Variants in FHOD3 observed in about 807,000 individuals in gnomAD.
FHOD3 encodes FH1/FH2 domain-containing protein 3.
A neutral mutation model predicts 173.0 loss-of-function variants in FHOD3; 90 were observed. The ratio of observed to expected loss-of-function variants is 0.52; its 90% CI spans 0.44 to 0.62. FHOD3 has a LOEUF of 0.62. Ranked by LOEUF, FHOD3 falls within the 20% of genes least tolerant of loss-of-function variation. FHOD3 has a pLI of 0.00. For missense variants in FHOD3, 1,945 were observed against 2,034.7 expected, an observed-to-expected ratio of 0.96 and a Z score of 0.85; for synonymous variants, 828 against 823.0, an observed-to-expected ratio of 1.01 and a Z score of -0.10.
At chr18:36,506,132 A>T (rs1358874979) in intron 4 of FHOD3, among the ~76,000 whole-genome samples, 1 of 152,246 alleles carries the variant, frequency 6.6e-6, no homozygotes, top group African/African-American at 2.4e-5. Flanking sequence ...CTCATAAAAA[A>T]TAATGATTAT....
chr18:36,515,971 C>G (rs568275511), intron 5 of FHOD3, among the ~76,000 whole-genome samples: 1 of 152,334 alleles, frequency 6.6e-6, no homozygotes, highest in East Asian at 1.9e-4. Context: ...AACCAAAGCT[C>G]ATACCAGGAA....
At position 36,515,361 on chromosome 18, in the gene FHOD3, G is replaced by A. The variant is rs371532370; in HGVS notation, c.511+2818G>A. Among the ~76,000 whole-genome samples, 42 of 152,220 alleles carry A rather than the reference G, an allele frequency of 2.8e-4. No homozygotes were observed. In the East Asian group the frequency reaches 6.6e-3, roughly 24 times the overall value. ...GCCTCCCAAGTAGCTGGGACTACAG[G>A]CGCCTGCCACCACACCTGCCTAATT... On this transcript the variant is annotated intron_variant, in intron 5 of 28. Transcript: ENST00000590592.
chr18:36,712,487 C>T (rs1385398689), intron 18 of FHOD3, among the ~76,000 whole-genome samples: 1 of 151,796 alleles, frequency 6.6e-6, no homozygotes, highest in Non-Finnish European at 1.5e-5. Context: ...AAAATACTTA[C>T]TGGATGGGCT....
intron 3 of FHOD3, among the ~76,000 whole-genome samples, chr18:36,458,423 A>G (rs79656619): frequency 0.033 from 5,073 of 152,160 alleles, 263 homozygotes; most frequent in African/African-American, 0.12. Context: ...CGTACTTCCA[A>G]CCACTCACCT....
rs188947263 is a variant in FHOD3 at position 36,602,247 on chromosome 18, T to C, written c.719-427T>C. On this transcript the variant is annotated intron_variant, in intron 7 of 28. Coordinates refer to ENST00000590592, the MANE Select transcript of FHOD3 (RefSeq NM_001281740.3). ...CTAGACAGGCATGTCACTTATTTCT[T>C]TGAGTCACTGCTAGAGGGATGTTAA... is the stretch of plus-strand genomic sequence containing the variant. Among the ~76,000 whole-genome samples, 77 of 152,324 alleles carry C rather than the reference T, an allele frequency of 5.1e-4. 2 individuals carry two copies. The highest frequency in any genetic ancestry group is 5.0e-3 in the Admixed American group (77 of 15,300).
chr18:36,694,653 G>A (rs191446242), intron 17 of FHOD3, among the ~76,000 whole-genome samples: 51 of 152,340 alleles, frequency 3.3e-4, no homozygotes, highest in South Asian at 6.2e-4. Context: ...CTGCAGAGTT[G>A]TGGTTCAGCA....
chr18:36,526,241 G>T (rs11661205), intron 5 of FHOD3, among the ~76,000 whole-genome samples: 49,231 of 152,122 alleles, frequency 0.32, 8,964 homozygotes, highest in Non-Finnish European at 0.42. Context: ...CAAAAACACT[G>T]TATTTGTTAG....
chr18:36,663,416 T>G (rs929171129), intron 14 of FHOD3, among the ~76,000 whole-genome samples: 8 of 152,210 alleles, frequency 5.3e-5, no homozygotes, highest in Non-Finnish European at 1.2e-4. Flanking sequence ...TCTCAGGAGC[T>G]CTCCTTCCTC....
At chr18:36,406,824 G>T (rs1052642610) in intron 3 of FHOD3, among the ~76,000 whole-genome samples, 2 of 152,132 alleles carry the variant, frequency 1.3e-5, no homozygotes, top group African/African-American at 4.8e-5. Context: ...CCCCACTAGG[G>T]TACTCTCTGT....
At chr18:36,544,492 T>C (rs1021559525) in intron 5 of FHOD3, 1 of 152,356 alleles carries the variant, frequency 6.6e-6, no homozygotes, top group African/African-American at 2.4e-5. Flanking sequence ...GAGCTCACAG[T>C]GTGAGGTGCC....
At chr18:36,556,766 G>A (rs914460235) in intron 5 of FHOD3, among the ~76,000 whole-genome samples, 4 of 152,132 alleles carry the variant, frequency 2.6e-5, no homozygotes, top group Non-Finnish European at 5.9e-5. Flanking sequence ...CTTTTCCAGT[G>A]CTTCCAGTGC....
intron 1 of FHOD3, among the ~76,000 whole-genome samples, chr18:36,329,158 G>C (rs1376382446): frequency 1.3e-5 from 2 of 152,164 alleles, no homozygotes; most frequent in African/African-American, 4.8e-5. Context: ...TTTCAAGTGA[G>C]TTATCCACAG....
chr18:36,590,203 A>G (rs2059166518), intron 6 of FHOD3, among the ~76,000 whole-genome samples: 1 of 151,794 alleles, frequency 6.6e-6, no homozygotes, highest in Non-Finnish European at 1.5e-5. Context: ...TGTGTCTAAC[A>G]TAAGCGCAAG....
At chr18:36,585,218 T>A (rs1407298185) in intron 6 of FHOD3, among the ~76,000 whole-genome samples, 18 of 152,262 alleles carry the variant, frequency 1.2e-4, no homozygotes, top group Admixed American at 1.0e-3. Context: ...AGGTTGTGTT[T>A]GAATTTTTGC....
chr18:36,686,638 T>TA (rs10599463), intron 15 of FHOD3, among the ~76,000 whole-genome samples: 7 of 147,656 alleles, frequency 4.7e-5, no homozygotes, highest in African/African-American at 1.8e-4. Context: ...ATCCTGGAAA[T>TA]AAAAAAAAAA....
chr18:36,780,064 A>G lies in FHOD3; in HGVS notation c.*534A>G. On this transcript the variant is annotated 3_prime_UTR_variant, in exon 29 of 29. Transcript: ENST00000590592. ...AAATAGAGTTTAATGCCATAATGAGAAACTTTTATTCTTCTGGGAACAGGA... is the reference window on the plus strand; with the variant it reads ...AAATAGAGTTTAATGCCATAATGAGGAACTTTTATTCTTCTGGGAACAGGA... The G allele has an allele frequency of 9.5e-7, 1 of 1,057,742 alleles. No individual in the cohort carries two copies. The highest frequency in any genetic ancestry group is 1.2e-6 in the Non-Finnish European group (1 of 828,818). 65.5% of individuals were successfully genotyped at this position (1,057,742 alleles called of 1,614,324 possible). A position where few individuals can be genotyped will look rare whatever the true frequency, so the allele number is the denominator to read the frequency against.
At chr18:36,369,498 C>T (rs12964043) in intron 2 of FHOD3, among the ~76,000 whole-genome samples, 25,346 of 93,640 alleles carry the variant, frequency 0.27, 2,885 homozygotes, top group South Asian at 0.42. Context: ...CACACACACA[C>T]ATATATATAG....
chr18:36,536,130 C>T (rs900306742), intron 5 of FHOD3, among the ~76,000 whole-genome samples: 1 of 152,162 alleles, frequency 6.6e-6, no homozygotes, highest in Non-Finnish European at 1.5e-5. Flanking sequence ...CCATTCTTAG[C>T]TCTCTGGCTG....
At chr18:36,385,308 C>T (rs888580490) in intron 3 of FHOD3, among the ~76,000 whole-genome samples, 4 of 152,196 alleles carry the variant, frequency 2.6e-5, no homozygotes, top group African/African-American at 9.7e-5. Flanking sequence ...AGTTGGCCAA[C>T]CTAAGACCTG....
Sources: gnomAD v4.1 joint callset for allele counts (sites outside exome capture counted in the v4.1 genomes callset) on GRCh38, gnomAD v4.1.1 for gene constraint, MANE v1.5 for transcripts, NCBI Gene and HGNC (gene_info 2026-07-23, HGNC 2026-07-21) for gene names.